BMPR1B: variants seen among roughly 807,000 people sequenced by gnomAD.
The protein encoded by BMPR1B is bone morphogenetic protein receptor type 1B.
Under a neutral mutation model 59.1 loss-of-function variants are expected in BMPR1B, and 12 were observed. The observed-to-expected ratio is 0.20, with a 90% CI of 0.13 to 0.33. The LOEUF (loss-of-function observed/expected upper bound fraction) is 0.33, where lower values mean the gene tolerates loss of function less well. Ranked by LOEUF, BMPR1B falls within the 10% of genes least tolerant of loss-of-function variation. BMPR1B has a pLI of 1.00. For missense variants in BMPR1B, 550 were observed against 610.9 expected (o/e 0.90, Z 1.05); for synonymous variants, 237 against 207.3 (o/e 1.14, Z -1.23).
chr4:94,917,450 G>A (rs953503809), intron 2 of BMPR1B, among the ~76,000 whole-genome samples: 10 of 152,202 alleles, frequency 6.6e-5, no homozygotes, highest in Admixed American at 2.0e-4. Context: ...TTGCAGCAGT[G>A]TGCCCTGGAT....
chr4:95,070,895 C>A (rs193270166), intron 3 of BMPR1B, among the ~76,000 whole-genome samples: 196 of 152,248 alleles, frequency 1.3e-3, no homozygotes, highest in African/African-American at 4.4e-3. Context: ...TTTAGTTTGT[C>A]CTGGCTAGCC....
rs1735402144 is a variant in BMPR1B, at chr4:95,156,105, C to T, written c.*1432C>T. ...GCACTTATACAAAATATCTCTTCACCTACTTAGTTCTACAGGGTTTTAACT... is the reference window on the plus strand; with the variant it reads ...GCACTTATACAAAATATCTCTTCACTTACTTAGTTCTACAGGGTTTTAACT... On this transcript the variant is annotated 3_prime_UTR_variant, in exon 13 of 13. Coordinates refer to ENST00000515059, the MANE Select transcript of BMPR1B (RefSeq NM_001203.3). 1 of 152,038 alleles carries T rather than the reference C, an allele frequency of 6.6e-6. No homozygotes were observed. Among genetic ancestry groups the T allele is most frequent in the Non-Finnish European group, 1.5e-5 (1 of 67,990 alleles). 9.4% of individuals were successfully genotyped at this position (152,038 alleles called of 1,614,324 possible). A position where few individuals can be genotyped will look rare whatever the true frequency, so the allele number is the denominator to read the frequency against.
intron 3 of BMPR1B, among the ~76,000 whole-genome samples, chr4:95,049,464 T>C (rs1726294468): frequency 1.2e-5 from 1 of 85,990 alleles, no homozygotes; most frequent in Non-Finnish European, 2.3e-5. Context: ...TTTTTTTTTT[T>C]TTTTTTGCAG....
At chr4:94,875,029 T>C (rs2148972037) in intron 1 of BMPR1B, among the ~76,000 whole-genome samples, 1 of 152,174 alleles carries the variant, frequency 6.6e-6, no homozygotes, top group African/African-American at 2.4e-5. Flanking sequence ...TGGCCAGCAT[T>C]TAAGTATCAA....
intron 2 of BMPR1B, among the ~76,000 whole-genome samples, chr4:94,916,734 G>A (rs1472204797): frequency 6.6e-6 from 1 of 152,234 alleles, no homozygotes; most frequent in Non-Finnish European, 1.5e-5. Flanking sequence ...AATTCAAGCA[G>A]GCTGCATAGC....
intron 2 of BMPR1B, among the ~76,000 whole-genome samples, chr4:94,944,524 A>G (rs1729634579): frequency 6.6e-6 from 1 of 152,204 alleles, no homozygotes; most frequent in African/African-American, 2.4e-5. Context: ...CTTACTGTGT[A>G]GACATGTATG....
chr4:94,820,560 A>G (rs2110653559), intron 1 of BMPR1B, among the ~76,000 whole-genome samples: 2 of 152,364 alleles, frequency 1.3e-5, no homozygotes, highest in East Asian at 3.9e-4. Context: ...TTTTTCTCAT[A>G]AAGATATGGT....
chr4:95,154,476 A>G, intron 12 of BMPR1B, 72 bp from the exon 13 acceptor site: 2 of 1,601,512 alleles, frequency 1.2e-6, no homozygotes, highest in Admixed American at 3.3e-5. Flanking sequence ...ATGAACCTAA[A>G]ACTAAAAAGC....
chr4:95,139,504 C>T (rs911709376), intron 10 of BMPR1B, among the ~76,000 whole-genome samples: 3 of 152,230 alleles, frequency 2.0e-5, no homozygotes, highest in Admixed American at 2.0e-4. Flanking sequence ...CTGTACTCTG[C>T]CCCCAGAGGT....
chr4:95,009,325 A>AG lies in BMPR1B; in HGVS notation c.-18+13191_-18+13192insG, dbSNP rs1723067391. On this transcript the variant is annotated intron_variant, in intron 3 of 12. Transcript: ENST00000515059. ...CAGGAAATAGGTATGCAATTTTTTA[A>AG]TAGTAGTAGTATACATAGTAGGGAA... 5.9e-5 allele frequency among the ~76,000 whole-genome samples: 9 copies of AG among 152,324 alleles called. No individual in the cohort carries two copies. The South Asian group carries it at 1.9e-3, about 32-fold the overall frequency.
intron 1 of BMPR1B, among the ~76,000 whole-genome samples, chr4:94,763,268 A>G (rs764083496): frequency 1.3e-5 from 2 of 152,214 alleles, no homozygotes; most frequent in Non-Finnish European, 2.9e-5. Context: ...TCAGCTTTGG[A>G]AACTTTGGAT....
At chr4:94,985,251 A>G (rs965205668) in intron 2 of BMPR1B, among the ~76,000 whole-genome samples, 1 of 152,134 alleles carries the variant, frequency 6.6e-6, no homozygotes, top group African/African-American at 2.4e-5. Flanking sequence ...TGGAGGAGAA[A>G]GGAAAGTGGT....
intron 3 of BMPR1B, among the ~76,000 whole-genome samples, chr4:95,008,223 C>A (rs1380568092): frequency 6.6e-6 from 1 of 152,074 alleles, no homozygotes; most frequent in Non-Finnish European, 1.5e-5. Context: ...GTGATGACAG[C>A]GTGACTATGT....
At chr4:94,785,191 G>A (rs1397287105) in intron 1 of BMPR1B, among the ~76,000 whole-genome samples, 1 of 152,128 alleles carries the variant, frequency 6.6e-6, no homozygotes, top group Non-Finnish European at 1.5e-5. Flanking sequence ...TTTCCTTCCT[G>A]TCCTGCCTCA....
intron 3 of BMPR1B, among the ~76,000 whole-genome samples, chr4:95,030,169 T>A (rs62316239): frequency 0.27 from 41,123 of 151,222 alleles, 6,189 homozygotes; most frequent in South Asian, 0.42. Flanking sequence ...GCTTTTGGTG[T>A]TTTAGACATG....
intron 2 of BMPR1B, among the ~76,000 whole-genome samples, chr4:94,984,302 A>G (rs1347932800): frequency 6.6e-6 from 1 of 152,208 alleles, no homozygotes; most frequent in Non-Finnish European, 1.5e-5. Flanking sequence ...GTAACACCTG[A>G]TATGCATTTT....
chr4:94,863,015 G>A (rs968903781), intron 1 of BMPR1B, among the ~76,000 whole-genome samples: 3 of 151,118 alleles, frequency 2.0e-5, no homozygotes, highest in Non-Finnish European at 4.4e-5. Context: ...GTACTTGAGA[G>A]GCTGAGGCGG....
At chr4:94,865,533 G>A (rs1726187341) in intron 1 of BMPR1B, among the ~76,000 whole-genome samples, 1 of 152,004 alleles carries the variant, frequency 6.6e-6, no homozygotes, top group Non-Finnish European at 1.5e-5. Context: ...TGGAATTACA[G>A]GCGCTCGCCG....
At chr4:95,097,618 A>G (rs777144982) in intron 3 of BMPR1B, among the ~76,000 whole-genome samples, 8 of 152,008 alleles carry the variant, frequency 5.3e-5, no homozygotes, top group South Asian at 4.2e-4. Flanking sequence ...GCTCACTGCA[A>G]CCTCCACCTC....
Sources: allele counts gnomAD v4.1 joint callset (sites outside exome capture counted in the v4.1 genomes callset), GRCh38; gene constraint gnomAD v4.1.1; transcripts MANE v1.5; gene names NCBI Gene and HGNC (gene_info 2026-07-23, HGNC 2026-07-21).